NYAP2: variants seen among roughly 807,000 people sequenced by gnomAD.
NYAP2 encodes neuronal tyrosine-phosphorylated phosphoinositide-3-kinase adapter 2.
A neutral mutation model predicts 50.4 loss-of-function variants in NYAP2; 23 were observed. The ratio of observed to expected loss-of-function variants is 0.46; its 90% CI spans 0.33 to 0.65. The LOEUF is 0.65. Among genes scored for constraint, NYAP2 ranks in the 30% least tolerant of loss-of-function variants. NYAP2 has a pLI of 0.02. For missense variants in NYAP2, 885 were observed against 861.0 expected, an observed-to-expected ratio of 1.03 and a Z score of -0.35; for synonymous variants, 394 against 365.2, an observed-to-expected ratio of 1.08 and a Z score of -0.90.
chr2:225,630,603 TGA>T (rs1553558589), intron 6 of NYAP2, among the ~76,000 whole-genome samples: 1 of 152,182 alleles, frequency 6.6e-6, no homozygotes, highest in Non-Finnish European at 1.5e-5. Flanking sequence ...CATCTGGAAA[TGA>T]AATCAAAAGC....
the NYAP2 span, among the ~76,000 whole-genome samples, chr2:225,676,540 A>G: frequency 2.6e-5 from 4 of 152,084 alleles, no homozygotes; most frequent in African/African-American, 9.7e-5. Context: ...AATCATGGTG[A>G]AAGGCAAGGA....
At chr2:225,671,298 T>C in the NYAP2 span, among the ~76,000 whole-genome samples, 1 of 152,156 alleles carries the variant, frequency 6.6e-6, no homozygotes, top group African/African-American at 2.4e-5. Flanking sequence ...TAAGCTTATG[T>C]GATATTCTAA....
At chr2:225,398,129 T>A (rs112096247), upstream of NYAP2, among the ~76,000 whole-genome samples, 844 of 152,160 alleles carry the variant, frequency 5.5e-3, 6 homozygotes, top group African/African-American at 0.018. Flanking sequence ...CAGCCTCTCC[T>A]CACTTTGTTT....
rs556538849 is a variant in NYAP2, at chr2:225,521,883, G to A, written c.523+8211G>A. On this transcript the variant is annotated intron_variant, in intron 4 of 6. Transcript: ENST00000636099. ...CCTCCTTGTACCTCTGGTAGAATTC[G>A]GCTGTGAATCCATCTGGTCCTGGAC... 2.3e-4 allele frequency among the ~76,000 whole-genome samples: 35 copies of A among 152,110 alleles called. No homozygotes were observed. In the East Asian group the frequency reaches 5.2e-3, roughly 23 times the overall value.
chr2:225,479,215 A>G (rs957340809), intron 3 of NYAP2, among the ~76,000 whole-genome samples: 2 of 152,204 alleles, frequency 1.3e-5, no homozygotes, highest in Non-Finnish European at 2.9e-5. Flanking sequence ...CTCTTCAGCC[A>G]GAAGAAAAAT....
At chr2:225,455,737 G>A (rs1032048141) in intron 3 of NYAP2, among the ~76,000 whole-genome samples, 4 of 152,160 alleles carry the variant, frequency 2.6e-5, no homozygotes, top group African/African-American at 7.2e-5. Flanking sequence ...TTGGAAAATT[G>A]TAGGGTTCTC....
chr2:225,628,571 C>T (rs541504235), intron 6 of NYAP2, among the ~76,000 whole-genome samples: 1 of 152,134 alleles, frequency 6.6e-6, no homozygotes, highest in East Asian at 1.9e-4. Flanking sequence ...GATACACTCA[C>T]CTCAGCCTTC....
At chr2:225,653,950 T>C (rs549172932) in exon 7 of NYAP2, 2 of 143,394 alleles carry the variant, frequency 1.4e-5, no homozygotes, top group African/African-American at 5.2e-5. Context: ...ACCTGGGAGG[T>C]GGAGCTTGCA....
At chr2:225,636,738 G>T (rs922444812) in intron 6 of NYAP2, among the ~76,000 whole-genome samples, 4 of 152,156 alleles carry the variant, frequency 2.6e-5, no homozygotes, top group Admixed American at 6.5e-5. Context: ...GCCTCATGAG[G>T]TATGAATGCT....
the NYAP2 span, among the ~76,000 whole-genome samples, chr2:225,678,528 C>G: frequency 3.9e-5 from 6 of 152,082 alleles, no homozygotes. Context: ...AACTTAGAAC[C>G]AATTAATAGC....
the NYAP2 span, among the ~76,000 whole-genome samples, chr2:225,676,812 C>T: frequency 6.6e-6 from 1 of 152,090 alleles, no homozygotes; most frequent in East Asian, 1.9e-4. Flanking sequence ...ATTACTGTAG[C>T]CTTATAGTAT....
intron 3 of NYAP2, among the ~76,000 whole-genome samples, chr2:225,474,150 TTCTGTTCCATTGG>T: frequency 6.6e-6 from 1 of 152,224 alleles, no homozygotes; most frequent in East Asian, 1.9e-4. Flanking sequence ...GAGGGCTCTG[TTCTGTTCCATTGG>T]TCTATATCTC....
intron 3 of NYAP2, among the ~76,000 whole-genome samples, chr2:225,490,870 A>T (rs747473124): frequency 6.6e-6 from 1 of 152,226 alleles, no homozygotes; most frequent in Non-Finnish European, 1.5e-5. Context: ...TGCACAACTC[A>T]TGACTGTTAA....
At chr2:225,595,855 T>C (rs1692587786) in intron 5 of NYAP2, among the ~76,000 whole-genome samples, 3 of 152,158 alleles carry the variant, frequency 2.0e-5, no homozygotes, top group African/African-American at 7.2e-5. Flanking sequence ...CTCCATTTCT[T>C]CTCCCTCATT....
chr2:225,676,151 G>T, the NYAP2 span, among the ~76,000 whole-genome samples: 2 of 152,018 alleles, frequency 1.3e-5, no homozygotes, highest in Non-Finnish European at 2.9e-5. Flanking sequence ...GAAGCTCTTA[G>T]TTTAACTAGG....
At chr2:225,604,001 A>G (rs978560076) in intron 5 of NYAP2, among the ~76,000 whole-genome samples, 3 of 152,200 alleles carry the variant, frequency 2.0e-5, no homozygotes, top group African/African-American at 7.2e-5. Flanking sequence ...AATAAAATAT[A>G]TCAGTAACAT....
At position 225,566,661 on chromosome 2, in the gene NYAP2, G is replaced by A. The variant is rs183617908; in HGVS notation, c.524-15280G>A. Among the ~76,000 whole-genome samples, 4 of 152,310 alleles carry A rather than the reference G, an allele frequency of 2.6e-5. No homozygotes were observed. In the East Asian group the frequency reaches 7.7e-4, roughly 29 times the overall value. On this transcript the variant is annotated intron_variant, in intron 4 of 6. Transcript: ENST00000636099. The stretch of plus-strand genomic sequence containing the variant: ...AACTTGGTAACTTCCTTTCACTGTA[G>A]GTAGAAATTCTGCAAGTGATAGCTA...
At chr2:225,657,967 A>G (rs1574735708), downstream of NYAP2, among the ~76,000 whole-genome samples, 2 of 152,336 alleles carry the variant, frequency 1.3e-5, no homozygotes, top group Non-Finnish European at 2.9e-5. Context: ...GTGTTGAACA[A>G]AAGTGTTTTC....
At chr2:225,608,833 A>G (rs1231016845) in intron 5 of NYAP2, among the ~76,000 whole-genome samples, 3 of 152,132 alleles carry the variant, frequency 2.0e-5, no homozygotes, top group Non-Finnish European at 4.4e-5. Context: ...TGACTAGGGA[A>G]GGGAGGATGG....
Sources: allele counts gnomAD v4.1 joint callset (sites outside exome capture counted in the v4.1 genomes callset), GRCh38; gene constraint gnomAD v4.1.1; transcripts MANE v1.5; gene names NCBI Gene and HGNC (gene_info 2026-07-23, HGNC 2026-07-21).